The following DPP10 variants were observed in gnomAD, a reference collection of about 807,000 sequenced individuals.
DPP10 encodes the protein dipeptidyl peptidase like 10.
Under a neutral mutation model 120.9 loss-of-function variants are expected in DPP10, and 33 were observed. The ratio of observed to expected loss-of-function variants is 0.27; its 90% confidence interval spans 0.21 to 0.37. The LOEUF is 0.37. DPP10 is among the 10% of genes least tolerant of loss of function. The pLI is 1.00. For missense variants in DPP10, 816 were observed against 942.8 expected (o/e 0.87, Z 1.76); for synonymous variants, 337 against 326.1 (o/e 1.03, Z -0.36).
intron 1 of DPP10, chr2:115,161,883 C>A: frequency 7.3e-7 from 1 of 1,375,108 alleles, no homozygotes; most frequent in Non-Finnish European, 9.4e-7. Context: ...CCGTGACCTG[C>A]GAACGCTGCC....
At position 115,840,518 on chromosome 2, in the gene DPP10, A is replaced by G. The variant is rs147298842; in HGVS notation, c.2183-232A>G. ...TTTTATATTTTTTAATGGAGATGGG[A>G]TTTCACCGAGTTAGCCAGGATGGTC... On this transcript the variant is annotated intron_variant, in intron 24 of 25. Transcript: ENST00000410059. Among the ~76,000 whole-genome samples the G allele has an allele frequency of 2.1e-3, 324 of 151,412 alleles. 1 individual carries two copies. Among genetic ancestry groups the G allele is most frequent in the African/African-American group, 7.3e-3 (301 of 41,254 alleles).
At chr2:115,548,686 A>G (rs2079668092) in intron 5 of DPP10, among the ~76,000 whole-genome samples, 1 of 152,142 alleles carries the variant, frequency 6.6e-6, no homozygotes, top group Non-Finnish European at 1.5e-5. Context: ...GTAATTAGAC[A>G]CATAAAACAG....
At chr2:115,047,999 T>C (rs1705194063) in intron 1 of DPP10, among the ~76,000 whole-genome samples, 2 of 152,106 alleles carry the variant, frequency 1.3e-5, no homozygotes, top group African/African-American at 4.8e-5. Context: ...TTAGTCTTAC[T>C]CTCCAATGAT....
At chr2:115,703,814 G>T (rs1332283203) in intron 7 of DPP10, among the ~76,000 whole-genome samples, 1 of 151,918 alleles carries the variant, frequency 6.6e-6, no homozygotes. Context: ...ATCACAGTAG[G>T]TATGACACTT....
chr2:114,801,810 TC>T (rs1414130639), intron 1 of DPP10, among the ~76,000 whole-genome samples: 1 of 152,226 alleles, frequency 6.6e-6, no homozygotes, highest in Non-Finnish European at 1.5e-5. Context: ...TTAGGTCTAT[TC>T]TTTTCCTTTT....
chr2:115,019,881 A>G (rs1472383984), intron 1 of DPP10, among the ~76,000 whole-genome samples: 1 of 152,228 alleles, frequency 6.6e-6, no homozygotes, highest in Admixed American at 6.5e-5. Context: ...GAGCAAAACA[A>G]TAATTAGCCA....
rs546603270 is a variant in DPP10, at chr2:114,711,119, G to A, written c.60+268281G>A. On this transcript the variant is annotated intron_variant, in intron 1 of 25. Transcript: ENST00000410059. The stretch of plus-strand genomic sequence containing the variant: ...TAAGGTCAGGAAAAAGGCAGTTTTT[G>A]GATGATCATCAATTCATTTACCCAT... 1.1e-3 allele frequency among the ~76,000 whole-genome samples: 173 copies of A among 152,258 alleles called. 1 individual carries two copies. Among genetic ancestry groups the A allele is most frequent in the Middle Eastern group, 0.01 (3 of 294 alleles).
intron 1 of DPP10, among the ~76,000 whole-genome samples, chr2:114,738,153 A>G (rs1422804383): frequency 6.6e-6 from 1 of 152,158 alleles, no homozygotes; most frequent in Non-Finnish European, 1.5e-5. Flanking sequence ...AGCAAAAAGG[A>G]AGTCTGCTCC....
At chr2:115,586,492 T>C (rs2082298580) in intron 5 of DPP10, among the ~76,000 whole-genome samples, 1 of 152,170 alleles carries the variant, frequency 6.6e-6, no homozygotes, top group African/African-American at 2.4e-5. Flanking sequence ...AAAAAGCAAA[T>C]GCATGTACAA....
chr2:115,100,229 G>C (rs901430409), intron 1 of DPP10, among the ~76,000 whole-genome samples: 1 of 152,154 alleles, frequency 6.6e-6, no homozygotes, highest in African/African-American at 2.4e-5. Context: ...AGGATCACTT[G>C]ACATGAGTTC....
intron 1 of DPP10, among the ~76,000 whole-genome samples, chr2:114,607,756 T>C (rs1254924323): frequency 6.6e-6 from 1 of 152,186 alleles, no homozygotes; most frequent in Non-Finnish European, 1.5e-5. Flanking sequence ...TGAGAAGATG[T>C]TGTAATGTTA....
chr2:114,577,803 A>C (rs1169173583), intron 1 of DPP10, among the ~76,000 whole-genome samples: 2 of 152,136 alleles, frequency 1.3e-5, no homozygotes, highest in East Asian at 3.9e-4. Flanking sequence ...GTTTGCTGGC[A>C]ATCTTTGGAA....
At chr2:114,934,023 C>T (rs978814762) in intron 1 of DPP10, among the ~76,000 whole-genome samples, 1 of 152,126 alleles carries the variant, frequency 6.6e-6, no homozygotes, top group African/African-American at 2.4e-5. Flanking sequence ...GACGTTCTGC[C>T]TACTAATGCT....
chr2:115,312,661 G>C (rs1458221294), intron 2 of DPP10, among the ~76,000 whole-genome samples: 1 of 152,042 alleles, frequency 6.6e-6, no homozygotes, highest in Non-Finnish European at 1.5e-5. Flanking sequence ...TAACCCTCAG[G>C]CTTGAGTTCT....
chr2:115,421,567 TA>T (rs1473621092), intron 3 of DPP10, among the ~76,000 whole-genome samples: 2 of 152,106 alleles, frequency 1.3e-5, no homozygotes, highest in Non-Finnish European at 2.9e-5. Flanking sequence ...AAATTCGTAA[TA>T]TTTTTTATAC....
At chr2:115,403,236 C>T (rs575989668) in intron 3 of DPP10, among the ~76,000 whole-genome samples, 5 of 151,776 alleles carry the variant, frequency 3.3e-5, no homozygotes, top group Admixed American at 1.3e-4. Flanking sequence ...ATTAACTATA[C>T]GGAAAAAATG....
At chr2:114,870,570 C>A (rs1690615149) in intron 1 of DPP10, among the ~76,000 whole-genome samples, 1 of 82,660 alleles carries the variant, frequency 1.2e-5, no homozygotes. Flanking sequence ...GGCTGAAGGA[C>A]ACATATAAAA....
intron 5 of DPP10, among the ~76,000 whole-genome samples, chr2:115,528,976 G>T (rs2148909379): frequency 6.6e-6 from 1 of 151,976 alleles, no homozygotes; most frequent in South Asian, 2.1e-4. Context: ...TTCTTGACCT[G>T]GTTGTTTACT....
intron 1 of DPP10, among the ~76,000 whole-genome samples, chr2:114,858,039 G>A (rs1689504519): frequency 6.6e-6 from 1 of 152,140 alleles, no homozygotes; most frequent in East Asian, 1.9e-4. Context: ...GCCCAGGCTG[G>A]AGTGCAGTGG....
Sources: gnomAD v4.1 joint callset for allele counts (sites outside exome capture counted in the v4.1 genomes callset) on GRCh38, gnomAD v4.1.1 for gene constraint, MANE v1.5 for transcripts, NCBI Gene and HGNC (gene_info 2026-07-23, HGNC 2026-07-21) for gene names.